Variants in TMEM143 observed in about 807,000 individuals in gnomAD.
The protein encoded by TMEM143 is transmembrane protein 143.
A neutral mutation model predicts 40.3 loss-of-function variants in TMEM143; 45 were observed. The observed-to-expected ratio is 1.12, with a 90% CI of 0.88 to 1.43. TMEM143 has a LOEUF of 1.43. Among genes scored for constraint, TMEM143 ranks in the 40% most tolerant of loss-of-function variants. The pLI, the probability that TMEM143 is intolerant of heterozygous loss-of-function variation, is 0.00. For synonymous variants in TMEM143, 299 were observed against 282.7 expected (o/e 1.06, Z -0.58); for missense variants, 620 against 613.4 (o/e 1.01, Z -0.11).
chr19:48,334,754 G>A (rs1180911731), intron 6 of TMEM143, among the ~76,000 whole-genome samples: 1 of 151,770 alleles, frequency 6.6e-6, no homozygotes, highest in African/African-American at 2.4e-5. Flanking sequence ...CACCAAGCCC[G>A]ATATTTTTTG....
rs745596421 is a variant in TMEM143, at chr19:48,333,977, C to T, written c.1165+31G>A. 3.3e-6 allele frequency: 5 copies of T among 1,501,976 alleles called. No homozygotes were observed. The South Asian group carries it at 6.2e-5, about 19-fold the overall frequency. 93.0% of individuals were successfully genotyped at this position (1,501,976 alleles called of 1,614,324 possible). A position where few individuals can be genotyped will look rare whatever the true frequency, so the allele number is the denominator to read the frequency against. On this transcript the variant is annotated intron_variant, in intron 7 of 7. Coordinates refer to ENST00000293261, the MANE Select transcript of TMEM143 (RefSeq NM_018273.4). This position sits in a 1 kb window ranked among gnomAD's most constrained non-coding sequence, Gnocchi z 4.1. The stretch of plus-strand genomic sequence containing the variant: ...GCGGGGCCTCGCGGGGGTGTGGCCC[C>T]TGGGGGCAGGGTCCCAGGGCCACGT...
rs918279471 is a variant in TMEM143 at position 48,353,524 on chromosome 19, A to G, written c.369+6548T>C. ...TTTTTAGTTTAACTACATCCCATGC[A>G]ATATTGGATGACTGTATTGCATAGG... On this transcript the variant is annotated intron_variant, in intron 3 of 7. Transcript: ENST00000293261. Among the ~76,000 whole-genome samples the G allele has an allele frequency of 7.9e-5, 12 of 151,946 alleles. No homozygotes were observed. In the Middle Eastern group the frequency reaches 0.01, roughly 129 times the overall value.
chr19:48,344,793 A>G (rs1485051403), intron 4 of TMEM143, among the ~76,000 whole-genome samples: 1 of 151,524 alleles, frequency 6.6e-6, no homozygotes, highest in Non-Finnish European at 1.5e-5. Flanking sequence ...TGCAACTTCC[A>G]CCTCCCGGGT....
intron 1 of TMEM143, 119 bp from the exon 2 acceptor site, chr19:48,363,650 G>A: frequency 2.1e-6 from 3 of 1,451,962 alleles, no homozygotes; most frequent in East Asian, 2.4e-5. Context: ...GAGCCCATCC[G>A]CTCGCCTCAA....
Position 48,333,535 on chromosome 19 carries a change from GT to G in TMEM143, c.1166-103del. On this transcript the variant is annotated intron_variant, in intron 7 of 7. Coordinates refer to ENST00000293261, the MANE Select transcript of TMEM143 (RefSeq NM_018273.4). The surrounding 1 kb of genome is among the most constrained non-coding windows in gnomAD (Gnocchi z 4.1). ...AGGGCAAAGAACAGGAAGGGCCTGG[GT>G]TTGGGAGAAGCCTAGGAGTGATCTT... 1 of 780,220 alleles carries G rather than the reference GT, an allele frequency of 1.3e-6. No individual in the cohort carries two copies. The highest frequency in any genetic ancestry group is 2.1e-6 in the Non-Finnish European group (1 of 486,752). 48.3% of individuals were successfully genotyped at this position (780,220 alleles called of 1,614,324 possible).
At position 48,363,482 on chromosome 19, in the gene TMEM143, C is replaced by A; in HGVS notation, c.73G>T (p.Gly25Trp). 2 of 1,613,898 alleles carry A rather than the reference C, an allele frequency of 1.2e-6. No homozygotes were observed. The highest frequency in any genetic ancestry group is 2.2e-5 in the East Asian group (1 of 44,886). Residue 25 changes from glycine to tryptophan, a missense_variant, in exon 2 of 8, where the codon GGG becomes TGG. By Grantham distance (184) the Gly-to-Trp change is radical (BLOSUM62 -2). Transcript: ENST00000293261. ...AMLHVTRGVW[G>W]SRVRVWPLLP... ...AGTGGCCATACTCGGACCCTGGACC[C>A]CCAGACCCCCCGGGTCACATGCAGC...
chr19:48,345,240 C>T lies in TMEM143; in HGVS notation c.484G>A (p.Ala162Thr). The T allele has an allele frequency of 6.2e-7, 1 of 1,613,212 alleles. No homozygotes were observed. The highest frequency in any genetic ancestry group is 8.5e-7 in the Non-Finnish European group (1 of 1,179,596). ...EVLRALEPLL[A>T]QANFSPLSED... is the part of the protein sequence containing the mutation. The stretch of plus-strand genomic sequence containing the variant: ...GACAGCGGGGAGAAGTTGGCCTGGG[C>T]CAGCAGGGGCTCCAGAGCCCGAAGC... Residue 162 changes from alanine (A) to threonine (T), a missense_variant, in exon 4 of 8, where the codon GCC becomes ACC. Transcript: ENST00000293261.
chr19:48,350,759 T>C (rs1301502902), intron 3 of TMEM143, among the ~76,000 whole-genome samples: 4 of 151,486 alleles, frequency 2.6e-5, no homozygotes, highest in Non-Finnish European at 5.9e-5. Context: ...CCGTCTCTAC[T>C]GAAAATACAA....
chr19:48,342,974 G>T, intron 5 of TMEM143, 165 bp from the exon 6 acceptor site: 1 of 880,998 alleles, frequency 1.1e-6, no homozygotes, highest in Non-Finnish European at 1.7e-6. Flanking sequence ...CCAACCACAG[G>T]GGATCGGTTC....
intron 6 of TMEM143, among the ~76,000 whole-genome samples, chr19:48,339,445 C>T (rs953901655): frequency 6.6e-5 from 10 of 152,152 alleles, no homozygotes; most frequent in Non-Finnish European, 1.0e-4. Flanking sequence ...CTCCGCATCC[C>T]GCACCTTGCT....
intron 3 of TMEM143, among the ~76,000 whole-genome samples, chr19:48,351,740 C>T (rs906837404): frequency 6.6e-6 from 1 of 152,196 alleles, no homozygotes; most frequent in Non-Finnish European, 1.5e-5. Flanking sequence ...CTCCCCTCTC[C>T]TTCAGGTCTC....
In TMEM143 at chr19:48,345,247, G is replaced by A. The variant is rs920189103; in HGVS notation, c.477C>T (p.Pro159=). ...GGGAGAAGTTGGCCTGGGCCAGCAG[G>A]GGCTCCAGAGCCCGAAGCACCTCCT... The part of the protein sequence containing the change: ...NEQEVLRALE[P]LLAQANFSPL... The change falls in exon 4 of 8, where the codon CCC becomes CCT. Residue 159 remains proline (P), a synonymous_variant. Coordinates refer to ENST00000293261, the MANE Select transcript of TMEM143 (RefSeq NM_018273.4). 1 of 1,613,246 alleles carries A rather than the reference G, an allele frequency of 6.2e-7. No homozygotes were observed. The highest frequency in any genetic ancestry group is 1.7e-4 in the Middle Eastern group (1 of 6,060).
chr19:48,343,272 T>C (rs747685761), intron 5 of TMEM143, 49 bp downstream of exon 5: 1 of 1,588,030 alleles, frequency 6.3e-7, no homozygotes, highest in South Asian at 1.1e-5. Context: ...CCCTCTTGAC[T>C]CTAACCTTGC....
At chr19:48,345,426 A>G (rs1969601669) in intron 3 of TMEM143, 72 bp from the exon 4 acceptor site, 1 of 987,830 alleles carries the variant, frequency 1.0e-6, no homozygotes, top group South Asian at 3.3e-5. Flanking sequence ...ATCTAAGGAC[A>G]TCCCTCTCCA....
At chr19:48,336,672 A>G (rs2147355872) in intron 6 of TMEM143, among the ~76,000 whole-genome samples, 1 of 151,786 alleles carries the variant, frequency 6.6e-6, no homozygotes, top group South Asian at 2.1e-4. Context: ...ACGGCACTTT[A>G]GCCTGGGCGA....
rs200184691 is a variant in TMEM143 at position 48,363,448 on chromosome 19, G to A, written c.107C>T (p.Ala36Val). 21 of 1,613,950 alleles carry A rather than the reference G, an allele frequency of 1.3e-5. No individual in the cohort carries two copies. The Admixed American group carries it at 2.7e-4, about 20-fold the overall frequency. ...SRVRVWPLLP[A>V]LLGPPRALSS... The stretch of plus-strand genomic sequence containing the variant: ...GAGGGCCCGGGGGGGCCCGAGGAGC[G>A]CGGGCAACAGTGGCCATACTCGGAC... The change falls in exon 2 of 8, where the codon GCG (alanine) becomes GTG (valine). Residue 36 changes from alanine (A) to valine (V), a missense_variant. Transcript: ENST00000293261.
Position 48,341,047 on chromosome 19 carries a change from C to T in TMEM143, c.975+1483G>A, listed in dbSNP as rs137856913. On this transcript the variant is annotated intron_variant, in intron 6 of 7. Coordinates refer to ENST00000293261, the MANE Select transcript of TMEM143 (RefSeq NM_018273.4). ...GGCGGCACAGCCTGGCTATTATCTG[C>T]GGGATTTATTACCAGCCTTCCTAAG... 1.8e-4 allele frequency among the ~76,000 whole-genome samples: 27 copies of T among 152,314 alleles called. No homozygotes were observed. In the East Asian group the frequency reaches 4.6e-3, roughly 26 times the overall value.
chr19:48,352,496 C>T (rs942880471), intron 3 of TMEM143, among the ~76,000 whole-genome samples: 1 of 150,736 alleles, frequency 6.6e-6, no homozygotes, highest in Admixed American at 6.6e-5. Context: ...TTATGGAGGC[C>T]GGGCACGGTG....
At chr19:48,363,592 C>T (rs1176776656) in intron 1 of TMEM143, 61 bp from the exon 2 acceptor site, 9 of 1,534,516 alleles carry the variant, frequency 5.9e-6, no homozygotes, top group Non-Finnish European at 7.0e-6. Context: ...CCCTCTCCAC[C>T]TCCACGTCCC....
Sources: gnomAD v4.1 joint callset for allele counts (sites outside exome capture counted in the v4.1 genomes callset) on GRCh38, gnomAD v4.1.1 for gene constraint, Gnocchi (gnomAD v3.1) non-coding constraint, MANE v1.5 for transcripts, NCBI Gene and HGNC (gene_info 2026-07-23, HGNC 2026-07-21) for gene names.